The following LINGO2 variants were observed in gnomAD, a reference collection of about 807,000 sequenced individuals.
LINGO2 encodes leucine-rich repeat and immunoglobulin-like domain-containing nogo receptor-interacting protein 2.
LINGO2 carries 14 observed loss-of-function variants against 30.6 expected under a neutral mutation model. The observed-to-expected ratio is 0.46, with a 90% CI of 0.30 to 0.72. The LOEUF (loss-of-function observed/expected upper bound fraction) is 0.72. Among genes scored for constraint, LINGO2 ranks in the 30% least tolerant of loss-of-function variants. The pLI is 0.07. For synonymous variants in LINGO2, 317 were observed against 288.5 expected (o/e 1.10, Z -1.00); for missense variants, 729 against 751.7 (o/e 0.97, Z 0.35).
chr9:27,980,565 C>A (rs969661037), intron 5 of LINGO2, among the ~76,000 whole-genome samples: 3 of 151,936 alleles, frequency 2.0e-5, no homozygotes, highest in Non-Finnish European at 2.9e-5. Flanking sequence ...TGTCTTTAAA[C>A]CATCTTTATT....
At chr9:29,123,855 G>A in the LINGO2 span, among the ~76,000 whole-genome samples, 33 of 151,920 alleles carry the variant, frequency 2.2e-4, no homozygotes, top group Non-Finnish European at 4.4e-4. Context: ...TGTCAAGTAG[G>A]AACATAAATG....
chr9:28,878,420 G>T, the LINGO2 span, among the ~76,000 whole-genome samples: 3 of 151,846 alleles, frequency 2.0e-5, no homozygotes, highest in African/African-American at 7.3e-5. Context: ...CAAGGAGGAA[G>T]AGGTACCATT....
intron 3 of LINGO2, among the ~76,000 whole-genome samples, chr9:28,348,499 T>A (rs181944881): frequency 5.0e-4 from 76 of 151,888 alleles, no homozygotes; most frequent in South Asian, 1.9e-3. Context: ...GAGGGTCCAA[T>A]GCCCACAGAG....
intron 2 of LINGO2, among the ~76,000 whole-genome samples, chr9:28,421,089 T>C (rs941626823): frequency 6.6e-6 from 1 of 151,906 alleles, no homozygotes; most frequent in Non-Finnish European, 1.5e-5. Context: ...GTCATGATCA[T>C]TATACAGTAG....
intron 4 of LINGO2, among the ~76,000 whole-genome samples, chr9:28,023,721 G>A (rs1173363223): frequency 6.6e-6 from 1 of 152,160 alleles, no homozygotes; most frequent in African/African-American, 2.4e-5. Flanking sequence ...ATTTCACAAT[G>A]GTAACTCTTC....
chr9:28,268,928 C>G (rs1327480343), intron 4 of LINGO2, among the ~76,000 whole-genome samples: 4 of 152,044 alleles, frequency 2.6e-5, no homozygotes, highest in Non-Finnish European at 4.4e-5. Flanking sequence ...TTTTTCTCTG[C>G]TGGCCTTTCT....
intron 1 of LINGO2, among the ~76,000 whole-genome samples, chr9:28,536,170 T>C (rs1376433963): frequency 6.6e-6 from 1 of 152,086 alleles, no homozygotes; most frequent in Non-Finnish European, 1.5e-5. Context: ...ACATTGCCAA[T>C]AAAATATTTT....
At chr9:28,635,901 G>T (rs1357156623) in intron 1 of LINGO2, among the ~76,000 whole-genome samples, 1 of 152,040 alleles carries the variant, frequency 6.6e-6, no homozygotes, top group Admixed American at 6.6e-5. Context: ...GTATACATGT[G>T]CCATGTTGGT....
At chr9:28,965,238 T>C in the LINGO2 span, among the ~76,000 whole-genome samples, 3 of 152,008 alleles carry the variant, frequency 2.0e-5, no homozygotes, top group Non-Finnish European at 4.4e-5. Flanking sequence ...AGAAAGTGAA[T>C]AGTGAACTAT....
chr9:28,581,043 A>G (rs895133242), intron 1 of LINGO2, among the ~76,000 whole-genome samples: 3 of 152,080 alleles, frequency 2.0e-5, no homozygotes, highest in African/African-American at 7.2e-5. Flanking sequence ...CTCCCTTCTT[A>G]AAAACTGGAA....
the LINGO2 span, among the ~76,000 whole-genome samples, chr9:29,100,819 T>C: frequency 1.3e-5 from 2 of 152,122 alleles, no homozygotes; most frequent in Non-Finnish European, 1.5e-5. Context: ...TATCAAAATA[T>C]CTCATGTAAC....
the LINGO2 span, among the ~76,000 whole-genome samples, chr9:28,712,172 T>C: frequency 2.8e-4 from 42 of 152,224 alleles, no homozygotes; most frequent in Admixed American, 2.6e-3. Flanking sequence ...TGATGAAGGA[T>C]TGTAAAATGT....
At chr9:27,985,412 A>G (rs1821079144) in intron 5 of LINGO2, among the ~76,000 whole-genome samples, 1 of 151,926 alleles carries the variant, frequency 6.6e-6, no homozygotes, top group Non-Finnish European at 1.5e-5. Flanking sequence ...TTGTTTTCAT[A>G]TTCAGTTAAG....
intron 1 of LINGO2, among the ~76,000 whole-genome samples, chr9:28,552,789 T>C (rs1356097311): frequency 6.6e-6 from 1 of 151,772 alleles, no homozygotes; most frequent in Non-Finnish European, 1.5e-5. Context: ...ATTTCAATCT[T>C]AGACATTTTG....
intron 3 of LINGO2, among the ~76,000 whole-genome samples, chr9:28,350,281 C>T (rs1361164691): frequency 7.7e-6 from 1 of 129,764 alleles, no homozygotes; most frequent in South Asian, 2.7e-4. Context: ...CACACATAGG[C>T]TCAAAATAAA....
the LINGO2 span, among the ~76,000 whole-genome samples, chr9:29,185,508 G>A: frequency 1.2e-4 from 19 of 152,192 alleles, no homozygotes; most frequent in East Asian, 3.5e-3. Context: ...GTTAATTAAT[G>A]CTTAAGGAAG....
the LINGO2 span, among the ~76,000 whole-genome samples, chr9:29,069,040 CATTCTAAG>C: frequency 6.6e-5 from 10 of 151,736 alleles, no homozygotes; most frequent in African/African-American, 2.4e-4. Context: ...GTTGAGTAGA[CATTCTAAG>C]AAGGATTTTC....
chr9:28,394,132 C>G (rs750519107), intron 2 of LINGO2, among the ~76,000 whole-genome samples: 13 of 152,100 alleles, frequency 8.5e-5, no homozygotes, highest in Non-Finnish European at 1.3e-4. Context: ...ATGGATTCGC[C>G]CAGGTAAGGG....
exon 6 of LINGO2, chr9:27,948,262 C>T (rs1315071687): frequency 1.3e-5 from 2 of 152,208 alleles, no homozygotes; most frequent in Admixed American, 6.6e-5. Flanking sequence ...AAGGTGAAAT[C>T]ACACTTGGAT....
Sources: allele counts gnomAD v4.1 joint callset (sites outside exome capture counted in the v4.1 genomes callset), GRCh38; gene constraint gnomAD v4.1.1; transcripts MANE v1.5; gene names NCBI Gene and HGNC (gene_info 2026-07-23, HGNC 2026-07-21).